Variants in GALNT18 observed in about 807,000 individuals in gnomAD.
GALNT18 encodes the protein polypeptide N-acetylgalactosaminyltransferase 18.
A neutral mutation model predicts 69.5 loss-of-function variants in GALNT18; 44 were observed. The ratio of observed to expected loss-of-function variants is 0.63; its 90% CI spans 0.50 to 0.81. GALNT18 has a LOEUF of 0.81. GALNT18 is among the 40% of genes least tolerant of loss of function. GALNT18 has a pLI of 0.00. For synonymous variants in GALNT18, 364 were observed against 318.2 expected (o/e 1.14, Z -1.53); for missense variants, 715 against 810.0 (o/e 0.88, Z 1.42).
intron 6 of GALNT18, among the ~76,000 whole-genome samples, chr11:11,355,152 A>C (rs1850502861): frequency 6.6e-6 from 1 of 152,148 alleles, no homozygotes; most frequent in South Asian, 2.1e-4. Flanking sequence ...TATACATCAG[A>C]GCATGTCCCT....
Position 11,591,390 on chromosome 11 carries a change from G to A in GALNT18, c.235+29969C>T, listed in dbSNP as rs1280864364. Among the ~76,000 whole-genome samples, 1 of 152,056 alleles carries A rather than the reference G, an allele frequency of 6.6e-6. No homozygotes were observed. Among genetic ancestry groups the A allele is most frequent in the Non-Finnish European group, 1.5e-5 (1 of 68,010 alleles). On this transcript the variant is annotated intron_variant, in intron 1 of 10. Coordinates refer to ENST00000227756, the MANE Select transcript of GALNT18 (RefSeq NM_198516.3). The surrounding 1 kb of genome is among the most constrained non-coding windows in gnomAD (Gnocchi z 4.8). Reference sequence around the variant, plus strand: ...ACTGTATAGATAAAGCATCTAACACGGTCCTTGGCTCATGGTTGACTTTAC... The same window carrying A: ...ACTGTATAGATAAAGCATCTAACACAGTCCTTGGCTCATGGTTGACTTTAC...
rs143084186 is a variant in GALNT18, at chr11:11,286,099, T to G, written c.1677+6930A>C. ...GCACAGGGGGCTGGGGTGTGGTGTCTGCCCTGCATACCCTTGAACTCTAAG... is the reference window on the plus strand; with the variant it reads ...GCACAGGGGGCTGGGGTGTGGTGTCGGCCCTGCATACCCTTGAACTCTAAG... On this transcript the variant is annotated intron_variant, in intron 10 of 10. Transcript: ENST00000227756. Among the ~76,000 whole-genome samples the G allele has an allele frequency of 4.8e-3, 733 of 152,336 alleles. 8 individuals carry two copies. Among genetic ancestry groups the G allele is most frequent in the African/African-American group, 0.016 (683 of 41,578 alleles).
At chr11:11,535,679 A>G (rs577095727) in intron 1 of GALNT18, among the ~76,000 whole-genome samples, 101 of 152,236 alleles carry the variant, frequency 6.6e-4, no homozygotes, top group African/African-American at 2.3e-3. Context: ...CCGAGCTTCC[A>G]CAGCCAATCC....
intron 1 of GALNT18, among the ~76,000 whole-genome samples, chr11:11,559,720 GGATGGAATGGAATGGGGTAT>G: frequency 6.7e-6 from 1 of 148,424 alleles, no homozygotes; most frequent in South Asian, 2.2e-4. Flanking sequence ...TGATGAGATA[GGATGGAATGGAATGGGGTAT>G]GATGGGATGG....
chr11:11,532,479 C>T (rs1857676651), intron 1 of GALNT18, among the ~76,000 whole-genome samples: 1 of 152,200 alleles, frequency 6.6e-6, no homozygotes, highest in Admixed American at 6.5e-5. Flanking sequence ...CTCAGTCTCC[C>T]TTACCCAGAA....
At position 11,324,326 on chromosome 11, in the gene GALNT18, T is replaced by C. The variant is rs139347279; in HGVS notation, c.1512+2760A>G. Reference sequence around the variant, plus strand: ...CATAAAACCAAAAGAAGTGAGCATATATGTACACCAAACGACATGATCAAG... The same window carrying C: ...CATAAAACCAAAAGAAGTGAGCATACATGTACACCAAACGACATGATCAAG... On this transcript the variant is annotated intron_variant, in intron 9 of 10. Coordinates refer to ENST00000227756, the MANE Select transcript of GALNT18 (RefSeq NM_198516.3). Among the ~76,000 whole-genome samples the C allele has an allele frequency of 3.2e-3, 480 of 152,288 alleles. 1 individual carries two copies. Among genetic ancestry groups the C allele is most frequent in the African/African-American group, 0.011 (444 of 41,556 alleles).
intron 2 of GALNT18, among the ~76,000 whole-genome samples, chr11:11,434,229 C>T (rs1032013174): frequency 2.6e-5 from 4 of 152,152 alleles, no homozygotes; most frequent in Non-Finnish European, 5.9e-5. Context: ...CCTTCTCTCT[C>T]GCCAGAGAGG....
At chr11:11,526,420 C>A (rs1475314538) in intron 1 of GALNT18, among the ~76,000 whole-genome samples, 1 of 152,160 alleles carries the variant, frequency 6.6e-6, no homozygotes, top group Non-Finnish European at 1.5e-5. Context: ...CCCTTTCTGG[C>A]ATGTATAGTT....
intron 1 of GALNT18, among the ~76,000 whole-genome samples, chr11:11,487,472 T>C (rs1203713199): frequency 6.6e-6 from 1 of 152,196 alleles, no homozygotes; most frequent in African/African-American, 2.4e-5. Context: ...TTATTTAGTA[T>C]TAGGAAATGC....
At chr11:11,357,045 C>A (rs994087491) in intron 6 of GALNT18, among the ~76,000 whole-genome samples, 7 of 152,096 alleles carry the variant, frequency 4.6e-5, no homozygotes, top group Non-Finnish European at 7.4e-5. Flanking sequence ...CTTCCTGGAG[C>A]CGCTGGGTAT....
chr11:11,614,367 AGG>A lies in GALNT18; in HGVS notation c.235+6990_235+6991del, dbSNP rs1431969501. On this transcript the variant is annotated intron_variant, in intron 1 of 10. Coordinates refer to ENST00000227756, the MANE Select transcript of GALNT18 (RefSeq NM_198516.3). The surrounding 1 kb of genome is among the most constrained non-coding windows in gnomAD (Gnocchi z 5.6). ...GAGTGAGGAGAAGAAGAAGAAGAGG[AGG>A]AGGAGGAGGAGGAGGAGGAGGAGGA... 1.4e-5 allele frequency among the ~76,000 whole-genome samples: 2 copies of A among 141,580 alleles called. No individual in the cohort carries two copies. The highest frequency in any genetic ancestry group is 5.7e-5 in the African/African-American group (2 of 34,912). 92.9% of individuals were successfully genotyped at this position (141,580 alleles called of 152,430 possible).
At position 11,341,702 on chromosome 11, in the gene GALNT18, C is replaced by T. The variant is rs1275739752; in HGVS notation, c.1093-698G>A. ...CTCTCGCTACAATCTTTCCAGCCAT[C>T]CTGACCTTTCAATGTTCCTGAACTT... On this transcript the variant is annotated intron_variant, in intron 6 of 10. Transcript: ENST00000227756. This position sits in a 1 kb window ranked among gnomAD's most constrained non-coding sequence, Gnocchi z 6.3. 6.6e-6 allele frequency among the ~76,000 whole-genome samples: 1 copy of T among 152,192 alleles called. No homozygotes were observed. The highest frequency in any genetic ancestry group is 1.5e-5 in the Non-Finnish European group (1 of 68,032).
At position 11,528,545 on chromosome 11, in the gene GALNT18, T is replaced by C. The variant is rs139543349; in HGVS notation, c.236-79609A>G. ...TCAGCTTGCAAACTCTACAAGGCAA[T>C]GAGAAGCTGATAAGGGGAATTAATC... On this transcript the variant is annotated intron_variant, in intron 1 of 10. Transcript: ENST00000227756. 6.2e-3 allele frequency among the ~76,000 whole-genome samples: 947 copies of C among 152,248 alleles called. 6 individuals are homozygous for C. Among genetic ancestry groups the C allele is most frequent in the Non-Finnish European group, 7.1e-3 (483 of 68,002 alleles).
chr11:11,488,902 G>A (rs1299939991), intron 1 of GALNT18, among the ~76,000 whole-genome samples: 3 of 152,198 alleles, frequency 2.0e-5, no homozygotes, highest in African/African-American at 4.8e-5. Context: ...TCTTCACAAG[G>A]AAAGCTCTAC....
At chr11:11,277,696 TTG>T (rs1848979766) in intron 10 of GALNT18, among the ~76,000 whole-genome samples, 1 of 152,224 alleles carries the variant, frequency 6.6e-6, no homozygotes, top group Non-Finnish European at 1.5e-5. Flanking sequence ...TTCTGGTATG[TTG>T]TGTCTTTGTT....
rs992897659 is a variant in GALNT18 at position 11,595,768 on chromosome 11, T to G, written c.235+25591A>C. Among the ~76,000 whole-genome samples, 7 of 152,242 alleles carry G rather than the reference T, an allele frequency of 4.6e-5. No homozygotes were observed. Among genetic ancestry groups the G allele is most frequent in the African/African-American group, 1.7e-4 (7 of 41,466 alleles). On this transcript the variant is annotated intron_variant, in intron 1 of 10. Coordinates refer to ENST00000227756, the MANE Select transcript of GALNT18 (RefSeq NM_198516.3). The surrounding 1 kb of genome is among the most constrained non-coding windows in gnomAD (Gnocchi z 5.2). ...TTTACTATTGCATTATGAGTTTTTG[T>G]AAATTCTGGATATTAACCCCTTACC...
intron 7 of GALNT18, among the ~76,000 whole-genome samples, chr11:11,336,392 C>T (rs888837752): frequency 2.0e-5 from 3 of 152,072 alleles, no homozygotes; most frequent in Non-Finnish European, 4.4e-5. Context: ...GGATGTCTGT[C>T]CAGCATGAAC....
At chr11:11,385,738 C>T (rs1277613133) in intron 3 of GALNT18, among the ~76,000 whole-genome samples, 4 of 152,182 alleles carry the variant, frequency 2.6e-5, no homozygotes, top group African/African-American at 9.6e-5. Flanking sequence ...GGCATGAATA[C>T]CCCATGGGTG....
chr11:11,383,489 G>A lies in GALNT18; in HGVS notation c.596-4225C>T, dbSNP rs925031050. Among the ~76,000 whole-genome samples, 2 of 152,192 alleles carry A rather than the reference G, an allele frequency of 1.3e-5. No individual in the cohort carries two copies. Among genetic ancestry groups the A allele is most frequent in the African/African-American group, 4.8e-5 (2 of 41,442 alleles). ...TGGAAGGCAGGTGCACAGGCATTTTGTAAAACTGCCTTCCTATAGGCTTGC... is the reference window on the plus strand; with the variant it reads ...TGGAAGGCAGGTGCACAGGCATTTTATAAAACTGCCTTCCTATAGGCTTGC... On this transcript the variant is annotated intron_variant, in intron 3 of 10. Coordinates refer to ENST00000227756, the MANE Select transcript of GALNT18 (RefSeq NM_198516.3). This position sits in a 1 kb window ranked among gnomAD's most constrained non-coding sequence, Gnocchi z 5.2.
Sources: gnomAD v4.1 joint callset for allele counts (sites outside exome capture counted in the v4.1 genomes callset) on GRCh38, gnomAD v4.1.1 for gene constraint, Gnocchi (gnomAD v3.1) non-coding constraint, MANE v1.5 for transcripts, NCBI Gene and HGNC (gene_info 2026-07-23, HGNC 2026-07-21) for gene names.